Variants in NTPCR observed in about 807,000 individuals in gnomAD.
NTPCR encodes the protein nucleoside-triphosphatase, cancer-related, also known as cancer-related nucleoside-triphosphatase.
Under a neutral mutation model 19.5 loss-of-function variants are expected in NTPCR, and 15 were observed. That is an observed-to-expected ratio of 0.77 (90% CI 0.51 to 1.18). NTPCR has a LOEUF of 1.18. Among genes scored for constraint, NTPCR ranks in the 50% most tolerant of loss-of-function variants. NTPCR has a pLI of 0.00. For missense variants in NTPCR, 206 were observed against 240.4 expected (o/e 0.86, Z 0.95); for synonymous variants, 90 against 95.8 (o/e 0.94, Z 0.36).
chr1:232,967,886 T>C (rs918970849), intron 3 of NTPCR: 1 of 152,216 alleles, frequency 6.6e-6, no homozygotes, highest in Non-Finnish European at 1.5e-5. Flanking sequence ...TGGAGTGGCA[T>C]GCCCCCAGGA....
At chr1:232,964,700 A>C (rs1668765405) in intron 3 of NTPCR, 1 of 152,150 alleles carries the variant, frequency 6.6e-6, no homozygotes, top group South Asian at 2.1e-4. Context: ...TTTCCACTCT[A>C]AGCTGTGCTT....
At position 232,955,595 on chromosome 1, in the gene NTPCR, G is replaced by A. The variant is rs1374324615; in HGVS notation, c.73G>A (p.Val25Ile). Residue 25 changes from valine (V) to isoleucine (I), a missense_variant, in exon 2 of 5, where the codon GTT becomes ATT. Val to Ile is a conservative substitution (Grantham distance 29, BLOSUM62 3). Transcript: ENST00000366628. Reference sequence around the variant, plus strand: ...AACATTGATCCATAAAGCCAGTGAGGTTTTAAAATCCTCTGGTGTGCCTGT... The same window carrying A: ...AACATTGATCCATAAAGCCAGTGAGATTTTAAAATCCTCTGGTGTGCCTGT... ...KTTLIHKASE[V>I]LKSSGVPVDG... is the part of the protein sequence containing the mutation. The A allele has an allele frequency of 2.5e-6, 4 of 1,608,178 alleles. No individual in the cohort carries two copies. In the African/African-American group the frequency reaches 5.4e-5, roughly 22 times the overall value.
chr1:232,981,037 A>G lies in NTPCR; in HGVS notation c.*2806A>G, dbSNP rs556002849. On this transcript the variant is annotated 3_prime_UTR_variant, in exon 5 of 5. Coordinates refer to ENST00000366628, the MANE Select transcript of NTPCR (RefSeq NM_032324.3). ...GCTTATATGAAGAATCTCAGCTAGA[A>G]TAACAAGGTCGGATGGGAGGAATCA... The G allele has an allele frequency of 9.2e-5, 14 of 152,250 alleles. No homozygotes were observed. Among genetic ancestry groups the G allele is most frequent in the Non-Finnish European group, 1.9e-4 (13 of 68,044 alleles). The allele number at this position is 152,250 out of a possible 1,614,324, so 9.4% of individuals were successfully genotyped here.
chr1:232,952,330 C>T lies in NTPCR; in HGVS notation c.34+1586C>T, dbSNP rs112037408. ...GCTTAAGTGATCCTCCCACTTCAAC[C>T]TCCTGAATAGCTGGATCTACAAGCG... On this transcript the variant is annotated intron_variant, in intron 1 of 4. Coordinates refer to ENST00000366628, the MANE Select transcript of NTPCR (RefSeq NM_032324.3). Among the ~76,000 whole-genome samples the T allele has an allele frequency of 4.0e-3, 603 of 152,078 alleles. 5 individuals are homozygous for T. Among genetic ancestry groups the T allele is most frequent in the African/African-American group, 0.014 (575 of 41,464 alleles).
intron 4 of NTPCR, among the ~76,000 whole-genome samples, chr1:232,970,360 C>A (rs1463075946): frequency 6.6e-6 from 1 of 152,172 alleles, no homozygotes; most frequent in Non-Finnish European, 1.5e-5. Flanking sequence ...CTTTTTTCTT[C>A]CATCTCCTCA....
At chr1:232,959,122 C>T (rs1456383182) in intron 3 of NTPCR, among the ~76,000 whole-genome samples, 1 of 152,140 alleles carries the variant, frequency 6.6e-6, no homozygotes, top group East Asian at 1.9e-4. Flanking sequence ...ACCCAAATCT[C>T]ATCTTGAATT....
intron 1 of NTPCR, among the ~76,000 whole-genome samples, chr1:232,954,417 A>T (rs1055809979): frequency 6.6e-6 from 1 of 152,248 alleles, no homozygotes; most frequent in African/African-American, 2.4e-5. Flanking sequence ...CATGATTTGC[A>T]ACTCTGTAGT....
In NTPCR at chr1:232,951,083, G is replaced by C. The variant is rs112978944; in HGVS notation, c.34+339G>C. ...ACAAATGGTATTTCAAGAGATCTGC[G>C]GCAACCGCGATGTGAAGTGGAGATG... On this transcript the variant is annotated intron_variant, in intron 1 of 4. Transcript: ENST00000366628. 462 of 282,328 alleles carry C rather than the reference G, an allele frequency of 1.6e-3. 3 individuals are homozygous for C. Among genetic ancestry groups the C allele is most frequent in the African/African-American group, 9.2e-3 (422 of 45,828 alleles). 17.5% of individuals were successfully genotyped at this position (282,328 alleles called of 1,614,324 possible).
In NTPCR at chr1:232,964,003, A is replaced by G. The variant is rs565488617; in HGVS notation, c.295-5906A>G. The G allele has an allele frequency of 3.3e-5, 5 of 152,310 alleles. No homozygotes were observed. The East Asian group carries it at 9.6e-4, about 29-fold the overall frequency. 9.4% of individuals were successfully genotyped at this position (152,310 alleles called of 1,614,324 possible). On this transcript the variant is annotated intron_variant, in intron 3 of 4. Coordinates refer to ENST00000366628, the MANE Select transcript of NTPCR (RefSeq NM_032324.3). The stretch of plus-strand genomic sequence containing the variant: ...AAGGATATGCTTTTACATAATCAAT[A>G]CAGTTATCAACCTCTGTAAATCTTA...
In NTPCR at chr1:232,951,549, AG is replaced by A. The variant is rs1411103082; in HGVS notation, c.34+806del. ...AGGCTGCATCAGATAGGCTAAAAAA[AG>A]ATAGATGGGCTAAGAGTGGAGAAAG... On this transcript the variant is annotated intron_variant, in intron 1 of 4. Coordinates refer to ENST00000366628, the MANE Select transcript of NTPCR (RefSeq NM_032324.3). 3.9e-5 allele frequency among the ~76,000 whole-genome samples: 6 copies of A among 152,362 alleles called. No individual in the cohort carries two copies. The South Asian group carries it at 1.0e-3, about 26-fold the overall frequency.
intron 3 of NTPCR, 63 bp downstream of exon 3, chr1:232,956,506 C>T: frequency 8.6e-7 from 1 of 1,161,096 alleles, no homozygotes. Flanking sequence ...GAATTGCTAG[C>T]CATGGAAACA....
chr1:232,975,399 G>C (rs545737167), intron 4 of NTPCR, among the ~76,000 whole-genome samples: 15 of 152,302 alleles, frequency 9.8e-5, no homozygotes, highest in African/African-American at 3.4e-4. Flanking sequence ...GCTGGGCACA[G>C]ATGCAGTACC....
intron 3 of NTPCR, chr1:232,969,322 A>T (rs981742012): frequency 6.5e-5 from 10 of 154,856 alleles, no homozygotes; most frequent in African/African-American, 2.4e-4. Context: ...CAAGCTTTAT[A>T]TTTATATACA....
At chr1:232,976,428 G>T in intron 4 of NTPCR, 1 of 1,550,622 alleles carries the variant, frequency 6.4e-7, no homozygotes, top group East Asian at 2.4e-5. Flanking sequence ...GGAGGCAGAA[G>T]CTACTGCAAT....
In NTPCR at chr1:232,982,525, T is replaced by C. The variant is rs1195728797; in HGVS notation, c.*4294T>C. 1.3e-5 allele frequency: 2 copies of C among 152,278 alleles called. No homozygotes were observed. The highest frequency in any genetic ancestry group is 2.9e-5 in the Non-Finnish European group (2 of 68,078). 9.4% of individuals were successfully genotyped at this position (152,278 alleles called of 1,614,324 possible). The stretch of plus-strand genomic sequence containing the variant: ...TGCCACGAGAACTCGTGAACTGTGA[T>C]AAGCAATGAACAGAATAACTGTTGA... On this transcript the variant is annotated 3_prime_UTR_variant, in exon 5 of 5. Transcript: ENST00000366628.
At chr1:232,957,959 G>C (rs933635654) in intron 3 of NTPCR, among the ~76,000 whole-genome samples, 3 of 152,138 alleles carry the variant, frequency 2.0e-5, no homozygotes, top group African/African-American at 7.2e-5. Context: ...GTATGTGTCA[G>C]GGTGGGGAGG....
chr1:232,965,572 G>A (rs1445188433), intron 3 of NTPCR: 2 of 152,390 alleles, frequency 1.3e-5, no homozygotes, highest in Non-Finnish European at 2.9e-5. Context: ...GCAGTACCTT[G>A]AGAGGAGCCT....
rs1669248066 is a variant in NTPCR at position 232,980,220 on chromosome 1, A to G, written c.*1989A>G. The G allele has an allele frequency of 6.6e-6, 1 of 152,242 alleles. No individual in the cohort carries two copies. The highest frequency in any genetic ancestry group is 6.5e-5 in the Admixed American group (1 of 15,284). The allele number at this position is 152,242 out of a possible 1,614,324, so 9.4% of individuals were successfully genotyped here. The stretch of plus-strand genomic sequence containing the variant: ...GGAGTGTCACTGCCTACTTGAAAGT[A>G]TGCACTTGTGTGGAACAGATTCAGG... On this transcript the variant is annotated 3_prime_UTR_variant, in exon 5 of 5. Transcript: ENST00000366628.
intron 3 of NTPCR, among the ~76,000 whole-genome samples, chr1:232,959,938 C>T (rs1668623282): frequency 6.6e-6 from 1 of 152,018 alleles, no homozygotes; most frequent in African/African-American, 2.4e-5. Flanking sequence ...GGACTGGTTG[C>T]AGCGGCTCAT....
Sources: allele counts gnomAD v4.1 joint callset (sites outside exome capture counted in the v4.1 genomes callset), GRCh38; gene constraint gnomAD v4.1.1; transcripts MANE v1.5; gene names NCBI Gene and HGNC (gene_info 2026-07-23, HGNC 2026-07-21).